The following GRK5 variants were observed in gnomAD, a reference collection of about 807,000 sequenced individuals.
GRK5 encodes the protein g protein-coupled receptor kinase GRK5.
GRK5 carries 40 observed loss-of-function variants against 78.4 expected under a neutral mutation model. That is an observed-to-expected ratio of 0.51 (90% CI 0.40 to 0.66). The LOEUF is 0.66. Among genes scored for constraint, GRK5 ranks in the 30% least tolerant of loss-of-function variants. GRK5 has a pLI of 0.00. For synonymous variants in GRK5, 289 were observed against 296.8 expected (o/e 0.97, Z 0.27); for missense variants, 598 against 759.9 (o/e 0.79, Z 2.50).
In GRK5 at chr10:119,436,642, T is replaced by C; in HGVS notation, c.739-9T>C. 1 of 1,613,992 alleles carries C rather than the reference T, an allele frequency of 6.2e-7. No homozygotes were observed. The highest frequency in any genetic ancestry group is 8.5e-7 in the Non-Finnish European group (1 of 1,179,930). On this transcript the variant is annotated splice_polypyrimidine_tract_variant and intron_variant, in intron 8 of 15. Transcript: ENST00000392870. ...CAACCTCCCCATGGCACTGTTCTTG[T>C]GCTCCCAGGTCAACCTGGCCTATGC...
chr10:119,246,656 C>T (rs1181753946), intron 1 of GRK5, among the ~76,000 whole-genome samples: 2 of 152,162 alleles, frequency 1.3e-5, no homozygotes, highest in Non-Finnish European at 2.9e-5. Context: ...GTCTGGAGGC[C>T]ACAATGAGAT....
chr10:119,418,409 G>T (rs373362469), intron 4 of GRK5, among the ~76,000 whole-genome samples: 2 of 152,302 alleles, frequency 1.3e-5, no homozygotes, highest in African/African-American at 4.8e-5. Context: ...GTTCCTCATG[G>T]CAGGCAAGGC....
intron 1 of GRK5, among the ~76,000 whole-genome samples, chr10:119,324,916 C>T (rs543248972): frequency 1.3e-5 from 2 of 152,210 alleles, no homozygotes; most frequent in Admixed American, 6.5e-5. Context: ...GTGCCCAATA[C>T]GCATTCCTTC....
chr10:119,365,641 G>T (rs1851436108), intron 2 of GRK5, among the ~76,000 whole-genome samples: 1 of 152,192 alleles, frequency 6.6e-6, no homozygotes, highest in Admixed American at 6.5e-5. Context: ...GCATGCCCTG[G>T]GGTGATGAAC....
chr10:119,452,929 A>G lies in GRK5; in HGVS notation c.1542+121A>G, dbSNP rs1000203225. The stretch of plus-strand genomic sequence containing the variant: ...TGAGCGCATGGTTTCTGTTTTCTCC[A>G]TGAAGGCAGCACACAAAAGCTGTCA... On this transcript the variant is annotated intron_variant, in intron 14 of 15. Transcript: ENST00000392870. This position sits in a 1 kb window ranked among gnomAD's most constrained non-coding sequence, Gnocchi z 4.4. 6.5e-6 allele frequency: 8 copies of G among 1,236,116 alleles called. No homozygotes were observed. The African/African-American group carries it at 8.9e-5, about 14-fold the overall frequency. The allele number at this position is 1,236,116 out of a possible 1,614,324, so 76.6% of individuals were successfully genotyped here.
chr10:119,247,476 C>G (rs182889451), intron 1 of GRK5, among the ~76,000 whole-genome samples: 115 of 152,310 alleles, frequency 7.6e-4, no homozygotes, highest in Non-Finnish European at 1.4e-3. Flanking sequence ...CTATCACACA[C>G]CAGATGAAAC....
At chr10:119,320,783 G>A (rs1850571001) in intron 1 of GRK5, among the ~76,000 whole-genome samples, 1 of 152,258 alleles carries the variant, frequency 6.6e-6, no homozygotes, top group South Asian at 2.1e-4. Context: ...GAGCCTATGG[G>A]TGGTCAGGCC....
intron 2 of GRK5, among the ~76,000 whole-genome samples, chr10:119,345,304 G>A (rs76755000): frequency 0.016 from 2,492 of 152,266 alleles, 53 homozygotes; most frequent in East Asian, 0.062. Flanking sequence ...AGGTCAGCAG[G>A]TTTTGTGCTC....
intron 4 of GRK5, among the ~76,000 whole-genome samples, chr10:119,401,771 T>C (rs540454614): frequency 6.6e-6 from 1 of 152,174 alleles, no homozygotes; most frequent in South Asian, 2.1e-4. Flanking sequence ...CTGCCAGCTG[T>C]GGAGTGCGAG....
intron 5 of GRK5, among the ~76,000 whole-genome samples, chr10:119,423,564 C>T (rs1051137281): frequency 1.3e-5 from 2 of 152,198 alleles, no homozygotes; most frequent in Middle Eastern, 3.2e-3. Context: ...TTCCCAGGGT[C>T]CTCAACCCCC....
chr10:119,430,546 C>T lies in GRK5; in HGVS notation c.597+108C>T, dbSNP rs774449086. 35 of 958,884 alleles carry T rather than the reference C, an allele frequency of 3.7e-5. No homozygotes were observed. The highest frequency in any genetic ancestry group is 5.6e-5 in the Non-Finnish European group (35 of 628,342). 59.4% of individuals were successfully genotyped at this position (958,884 alleles called of 1,614,324 possible). ...TGGCCCACGGGTCCCCCGGGGGCAC[C>T]AGTGGCTCAATGTGGGCCCCGGGGG... On this transcript the variant is annotated intron_variant, in intron 7 of 15. Coordinates refer to ENST00000392870, the MANE Select transcript of GRK5 (RefSeq NM_005308.3). The surrounding 1 kb of genome is among the most constrained non-coding windows in gnomAD (Gnocchi z 4.5).
intron 1 of GRK5, among the ~76,000 whole-genome samples, chr10:119,261,423 C>T (rs1426854548): frequency 1.3e-5 from 2 of 148,572 alleles, no homozygotes; most frequent in African/African-American, 5.0e-5. Flanking sequence ...GACTGGGCAG[C>T]CAGGCAGAGG....
intron 2 of GRK5, among the ~76,000 whole-genome samples, chr10:119,362,075 G>C (rs967778211): frequency 2.0e-5 from 3 of 151,980 alleles, no homozygotes; most frequent in African/African-American, 4.8e-5. Context: ...TATTGGAGGT[G>C]ATGCTACTAC....
At chr10:119,246,963 T>A (rs1029187711) in intron 1 of GRK5, among the ~76,000 whole-genome samples, 5 of 152,174 alleles carry the variant, frequency 3.3e-5, no homozygotes, top group Non-Finnish European at 7.3e-5. Context: ...TGAGAGCCTC[T>A]TGGGTTCTAT....
chr10:119,267,815 T>C lies in GRK5; in HGVS notation c.53-58701T>C, dbSNP rs1849526113. Reference sequence around the variant, plus strand: ...GACATGGAACAGGGAGGCGCTCCCATGTCAGAAGATGGGTCCTCTCCACCC... The same window carrying C: ...GACATGGAACAGGGAGGCGCTCCCACGTCAGAAGATGGGTCCTCTCCACCC... On this transcript the variant is annotated intron_variant, in intron 1 of 15. Coordinates refer to ENST00000392870, the MANE Select transcript of GRK5 (RefSeq NM_005308.3). The surrounding 1 kb of genome is among the most constrained non-coding windows in gnomAD (Gnocchi z 4.1). 6.6e-6 allele frequency among the ~76,000 whole-genome samples: 1 copy of C among 152,070 alleles called. No homozygotes were observed. Among genetic ancestry groups the C allele is most frequent in the South Asian group, 2.1e-4 (1 of 4,832 alleles).
At chr10:119,409,324 A>G (rs1277720341) in intron 4 of GRK5, among the ~76,000 whole-genome samples, 5 of 152,126 alleles carry the variant, frequency 3.3e-5, no homozygotes, top group African/African-American at 1.2e-4. Context: ...GACGCCCTTG[A>G]GGCTGATGTG....
rs559542573 is a variant in GRK5, at chr10:119,251,964, C to T, written c.52+43995C>T. Among the ~76,000 whole-genome samples, 4 of 152,302 alleles carry T rather than the reference C, an allele frequency of 2.6e-5. No homozygotes were observed. The South Asian group carries it at 8.3e-4, about 32-fold the overall frequency. ...TCAGCCCTTCCACTAAGGATTAGAACTTGATTTTCTTCTTTTCATCCCACC... is the reference window on the plus strand; with the variant it reads ...TCAGCCCTTCCACTAAGGATTAGAATTTGATTTTCTTCTTTTCATCCCACC... On this transcript the variant is annotated intron_variant, in intron 1 of 15. Coordinates refer to ENST00000392870, the MANE Select transcript of GRK5 (RefSeq NM_005308.3).
chr10:119,282,021 C>T (rs1441933205), intron 1 of GRK5, among the ~76,000 whole-genome samples: 1 of 152,136 alleles, frequency 6.6e-6, no homozygotes, highest in African/African-American at 2.4e-5. Flanking sequence ...CTTGCCCTCC[C>T]CTCCTTGGTC....
chr10:119,286,491 G>T (rs762206443), intron 1 of GRK5, among the ~76,000 whole-genome samples: 1 of 152,258 alleles, frequency 6.6e-6, no homozygotes, highest in Admixed American at 6.5e-5. Flanking sequence ...AGTCACACGT[G>T]GGGGTCTGGA....
Sources: allele counts gnomAD v4.1 joint callset (sites outside exome capture counted in the v4.1 genomes callset), GRCh38; gene constraint gnomAD v4.1.1; non-coding constraint Gnocchi (gnomAD v3.1); transcripts MANE v1.5; gene names NCBI Gene and HGNC (gene_info 2026-07-23, HGNC 2026-07-21).